Variants in PDHX observed in about 807,000 individuals in gnomAD.
The protein encoded by PDHX is pyruvate dehydrogenase complex component X.
PDHX carries 33 observed loss-of-function variants against 55.3 expected under a neutral mutation model. That is an observed-to-expected ratio of 0.60 (90% CI 0.45 to 0.80). The LOEUF is 0.80. PDHX is among the 30% of genes least tolerant of loss of function. PDHX has a pLI of 0.00. For missense variants in PDHX, 622 were observed against 619.9 expected (o/e 1.00, Z -0.04); for synonymous variants, 226 against 219.4 (o/e 1.03, Z -0.27).
At chr11:34,981,173 G>C (rs573952602) in intron 8 of PDHX, among the ~76,000 whole-genome samples, 1 of 151,784 alleles carries the variant, frequency 6.6e-6, no homozygotes, top group Non-Finnish European at 1.5e-5. Flanking sequence ...CAACAGGCCC[G>C]GGTGTGTGAT....
intron 5 of PDHX, among the ~76,000 whole-genome samples, chr11:34,962,354 T>C (rs753993526): frequency 3.9e-5 from 6 of 152,226 alleles, no homozygotes; most frequent in Non-Finnish European, 7.3e-5. Context: ...CCTTTGCAGA[T>C]TAAATGTGGA....
At chr11:34,965,059 G>A (rs148034163) in intron 5 of PDHX, among the ~76,000 whole-genome samples, 11 of 152,176 alleles carry the variant, frequency 7.2e-5, no homozygotes, top group African/African-American at 2.6e-4. Flanking sequence ...AAACTTACCA[G>A]CTTAAAATAA....
chr11:34,984,876 T>C, intron 9 of PDHX, 148 bp downstream of exon 9: 1 of 741,126 alleles, frequency 1.3e-6, no homozygotes, highest in East Asian at 2.6e-5. Flanking sequence ...TTGTCACATA[T>C]ATATAGGTTT....
chr11:34,918,870 A>C (rs1404783261), intron 1 of PDHX, among the ~76,000 whole-genome samples: 1 of 152,192 alleles, frequency 6.6e-6, no homozygotes, highest in Non-Finnish European at 1.5e-5. Context: ...CAAAGTCAGC[A>C]ATGGCTGGTT....
At position 34,916,686 on chromosome 11, in the gene PDHX, C is replaced by A; in HGVS notation, c.31C>A (p.Pro11Thr). Residue 11 changes from proline (P) to threonine (T), a missense_variant, in exon 1 of 11, where the codon CCG (proline) becomes ACG (threonine). Physicochemically the swap from Pro to Thr is conservative, Grantham distance 38 (BLOSUM62 -1). Transcript: ENST00000227868. ...GGCCTCCTGGAGGCTGGGCTGTGAT[C>A]CGCGGCTGCTGCGTTATCTTGTGGG... MAASWRLGCDPRLLRYLVGFP... is the reference protein window; with the variant it reads MAASWRLGCDTRLLRYLVGFP... The A allele has an allele frequency of 1.9e-6, 3 of 1,611,830 alleles. No individual in the cohort carries two copies. Among genetic ancestry groups the A allele is most frequent in the Non-Finnish European group, 2.5e-6 (3 of 1,179,916 alleles).
At chr11:34,957,645 A>G (rs890172054) in intron 4 of PDHX, 62 bp downstream of exon 4, 1 of 1,271,722 alleles carries the variant, frequency 7.9e-7, no homozygotes, top group Non-Finnish European at 1.1e-6. Context: ...TTCTTATGGA[A>G]TTGTAATCAT....
At chr11:34,947,647 T>G in intron 3 of PDHX, 41 bp downstream of exon 3, 1 of 1,307,006 alleles carries the variant, frequency 7.7e-7, no homozygotes, top group Non-Finnish European at 1.1e-6. Flanking sequence ...GATGAAGATT[T>G]CTTGAGTGGA....
chr11:34,961,334 G>A (rs952120852), intron 5 of PDHX, among the ~76,000 whole-genome samples: 9 of 152,110 alleles, frequency 5.9e-5, no homozygotes, highest in Non-Finnish European at 1.0e-4. Context: ...CTGTTCTGTT[G>A]AAACTTAGTC....
At chr11:34,943,792 G>A (rs1854551705) in intron 2 of PDHX, among the ~76,000 whole-genome samples, 1 of 152,094 alleles carries the variant, frequency 6.6e-6, no homozygotes, top group Admixed American at 6.5e-5. Context: ...TTTACAGATT[G>A]TCTCCTCCTC....
upstream of PDHX, chr11:34,916,384 G>A (rs2956111): frequency 0.37 from 568,562 of 1,550,884 alleles, 108,645 homozygotes; most frequent in East Asian, 0.73. Context: ...GCAATCAGGC[G>A]GCGCTGAGGG....
At chr11:34,963,082 T>C (rs1017648304) in intron 5 of PDHX, among the ~76,000 whole-genome samples, 9 of 152,160 alleles carry the variant, frequency 5.9e-5, no homozygotes, top group Admixed American at 3.9e-4. Context: ...AAATGGATCC[T>C]GAAAGCATAT....
At chr11:34,934,564 A>G in intron 2 of PDHX, among the ~76,000 whole-genome samples, 1 of 141,176 alleles carries the variant, frequency 7.1e-6, no homozygotes, top group Admixed American at 7.5e-5. Flanking sequence ...ATTTAATGAT[A>G]TTATGGATTT....
intron 3 of PDHX, among the ~76,000 whole-genome samples, chr11:34,948,129 G>A (rs558633395): frequency 1.3e-5 from 2 of 152,306 alleles, no homozygotes; most frequent in East Asian, 3.9e-4. Context: ...AAGTAGAGAT[G>A]ATAATAATAC....
At chr11:34,959,372 C>T (rs1297310960) in intron 4 of PDHX, among the ~76,000 whole-genome samples, 1 of 148,534 alleles carries the variant, frequency 6.7e-6, no homozygotes, top group Non-Finnish European at 1.5e-5. Context: ...AATGAGACAC[C>T]CCTTCATACC....
chr11:34,991,476 A>G (rs1327633591), intron 9 of PDHX, among the ~76,000 whole-genome samples: 1 of 152,214 alleles, frequency 6.6e-6, no homozygotes, highest in African/African-American at 2.4e-5. Context: ...ACAATTAAAT[A>G]TAAAATTTAT....
upstream of PDHX, chr11:34,916,405 G>A (rs1265256183): frequency 7.9e-6 from 12 of 1,518,422 alleles, no homozygotes; most frequent in Middle Eastern, 1.9e-4. Flanking sequence ...CAGCCCGGGG[G>A]CGGGGCGAAC....
At chr11:34,928,007 A>G (rs1854063378) in intron 1 of PDHX, among the ~76,000 whole-genome samples, 1 of 152,070 alleles carries the variant, frequency 6.6e-6, no homozygotes, top group Non-Finnish European at 1.5e-5. Context: ...GAGGTTCTTG[A>G]TGTGGTAACT....
At chr11:34,977,635 T>A in intron 7 of PDHX, 2 of 346,722 alleles carry the variant, frequency 5.8e-6, no homozygotes. Context: ...TGTGTATATA[T>A]AACTGTTTAT....
intron 2 of PDHX, among the ~76,000 whole-genome samples, chr11:34,932,834 A>G (rs1428571791): frequency 6.6e-6 from 1 of 152,258 alleles, no homozygotes. Context: ...AAAGGTAGAA[A>G]CAATCCAAAT....
Sources: allele counts gnomAD v4.1 joint callset (sites outside exome capture counted in the v4.1 genomes callset), GRCh38; gene constraint gnomAD v4.1.1; transcripts MANE v1.5; gene names NCBI Gene and HGNC (gene_info 2026-07-23, HGNC 2026-07-21).